Variants in DPYD observed in about 807,000 individuals in gnomAD.
The protein encoded by DPYD is dihydropyrimidine dehydrogenase, also known as dihydropyrimidine dehydrogenase [NADP(+)].
A neutral mutation model predicts 116.2 loss-of-function variants in DPYD; 109 were observed. The observed-to-expected ratio is 0.94, with a 90% CI of 0.80 to 1.10. The LOEUF (loss-of-function observed/expected upper bound fraction) is 1.10, where lower values mean the gene tolerates loss of function less well. Among genes scored for constraint, DPYD ranks in the 50% least tolerant of loss-of-function variants. The pLI is 0.00. For synonymous variants in DPYD, 440 were observed against 432.0 expected, an observed-to-expected ratio of 1.02 and a Z score of -0.23; for missense variants, 1,302 against 1,254.5, an observed-to-expected ratio of 1.04 and a Z score of -0.57.
At chr1:97,419,746 G>A (rs1370651736) in intron 14 of DPYD, among the ~76,000 whole-genome samples, 1 of 152,054 alleles carries the variant, frequency 6.6e-6, no homozygotes, top group Non-Finnish European at 1.5e-5. Flanking sequence ...GTAAACATGG[G>A]TTTATACCTA....
At chr1:97,172,556 A>G (rs988454665) in intron 20 of DPYD, among the ~76,000 whole-genome samples, 3 of 152,192 alleles carry the variant, frequency 2.0e-5, no homozygotes, top group Admixed American at 6.6e-5. Context: ...AATTAAATTT[A>G]TCACTTCATT....
intron 2 of DPYD, among the ~76,000 whole-genome samples, chr1:97,870,262 C>T (rs1162743140): frequency 1.3e-5 from 2 of 151,744 alleles, no homozygotes; most frequent in Non-Finnish European, 2.9e-5. Flanking sequence ...TGAATCAAAG[C>T]ATGACCATGC....
In DPYD at chr1:97,453,079, T is replaced by C. The variant is rs1676505373; in HGVS notation, c.1741-2856A>G. On this transcript the variant is annotated intron_variant, in intron 13 of 22. Transcript: ENST00000370192. Reference sequence around the variant, plus strand: ...CAGTACACCCCCTCCCTTGGATAGATCCCTGAACCAAATGCTGTGATACAA... The same window carrying C: ...CAGTACACCCCCTCCCTTGGATAGACCCCTGAACCAAATGCTGTGATACAA... Among the ~76,000 whole-genome samples the C allele has an allele frequency of 4.6e-5, 7 of 152,146 alleles. No individual in the cohort carries two copies. In the South Asian group the frequency reaches 1.2e-3, roughly 27 times the overall value.
At chr1:97,177,627 A>T (rs1657382004) in intron 20 of DPYD, among the ~76,000 whole-genome samples, 1 of 151,548 alleles carries the variant, frequency 6.6e-6, no homozygotes, top group African/African-American at 2.4e-5. Flanking sequence ...GGATCAGGAA[A>T]TAGGGGCTAA....
intron 10 of DPYD, among the ~76,000 whole-genome samples, chr1:97,578,036 G>C (rs1012250389): frequency 6.6e-6 from 1 of 151,922 alleles, no homozygotes; most frequent in Non-Finnish European, 1.5e-5. Flanking sequence ...AGTAGAGACG[G>C]GGTTTCACTC....
chr1:97,494,501 C>G (rs1679150150), intron 13 of DPYD, among the ~76,000 whole-genome samples: 1 of 152,134 alleles, frequency 6.6e-6, no homozygotes, highest in African/African-American at 2.4e-5. Flanking sequence ...TTCCTCTTAA[C>G]ACAGGCGGTT....
intron 4 of DPYD, among the ~76,000 whole-genome samples, chr1:97,735,998 T>C (rs539866685): frequency 6.6e-6 from 1 of 152,058 alleles, no homozygotes; most frequent in Non-Finnish European, 1.5e-5. Flanking sequence ...TTAACATGTA[T>C]CTAATAAGAG....
At chr1:97,874,703 A>C (rs924012439) in intron 2 of DPYD, among the ~76,000 whole-genome samples, 1 of 151,908 alleles carries the variant, frequency 6.6e-6, no homozygotes, top group Non-Finnish European at 1.5e-5. Context: ...ATTTTCAAAG[A>C]GTTTCCTTTT....
intron 14 of DPYD, among the ~76,000 whole-genome samples, chr1:97,430,956 C>T (rs1379689665): frequency 1.3e-5 from 2 of 151,828 alleles, no homozygotes; most frequent in African/African-American, 4.8e-5. Context: ...TAACAGATAG[C>T]AGAACAGGCT....
At chr1:97,374,716 C>A (rs1476101831) in intron 15 of DPYD, among the ~76,000 whole-genome samples, 2 of 44,702 alleles carry the variant, frequency 4.5e-5, no homozygotes, top group African/African-American at 2.2e-4. Flanking sequence ...GACTCCGTCT[C>A]AGAAAAAAAA....
intron 18 of DPYD, among the ~76,000 whole-genome samples, chr1:97,272,931 C>A (rs890081279): frequency 1.3e-5 from 2 of 151,950 alleles, no homozygotes; most frequent in East Asian, 3.9e-4. Flanking sequence ...TGTTTTCTCC[C>A]GTCAGTTTCA....
intron 20 of DPYD, among the ~76,000 whole-genome samples, chr1:97,154,099 G>T (rs1472666343): frequency 3.3e-5 from 5 of 150,920 alleles, no homozygotes; most frequent in Admixed American, 2.0e-4. Context: ...ATTCCTTAAA[G>T]AACTAAAAGT....
At chr1:97,214,736 C>G (rs1217477715) in intron 19 of DPYD, among the ~76,000 whole-genome samples, 2 of 152,196 alleles carry the variant, frequency 1.3e-5, no homozygotes, top group Non-Finnish European at 2.9e-5. Context: ...TGCTTTCTAG[C>G]TAGTCTATCT....
At chr1:97,788,466 G>A (rs944620109) in intron 3 of DPYD, among the ~76,000 whole-genome samples, 2 of 152,196 alleles carry the variant, frequency 1.3e-5, no homozygotes, top group African/African-American at 4.8e-5. Flanking sequence ...TCTTGGTCCT[G>A]CCAGCATCAG....
At position 97,687,308 on chromosome 1, in the gene DPYD, C is replaced by T. The variant is rs192980338; in HGVS notation, c.762+4409G>A. On this transcript the variant is annotated intron_variant, in intron 7 of 22. Coordinates refer to ENST00000370192, the MANE Select transcript of DPYD (RefSeq NM_000110.4). ...AACAAACAAACAAACAAAAAACTTA[C>T]GTAAAGGACATGAACAGACATTTCT... Among the ~76,000 whole-genome samples, 22 of 151,756 alleles carry T rather than the reference C, an allele frequency of 1.4e-4. 1 individual carries two copies. In the South Asian group the frequency reaches 2.5e-3, roughly 17 times the overall value.
chr1:97,477,281 T>C (rs534071491), intron 13 of DPYD, among the ~76,000 whole-genome samples: 2 of 152,348 alleles, frequency 1.3e-5, no homozygotes, highest in Non-Finnish European at 2.9e-5. Context: ...AACTACTTTC[T>C]TTGCTCATCC....
At chr1:97,300,764 A>G (rs1666813489) in intron 18 of DPYD, among the ~76,000 whole-genome samples, 1 of 152,068 alleles carries the variant, frequency 6.6e-6, no homozygotes. Flanking sequence ...CTGCCAAGTT[A>G]TTATTGCATT....
chr1:97,194,337 C>A (rs1205222716), intron 19 of DPYD, among the ~76,000 whole-genome samples: 1 of 152,028 alleles, frequency 6.6e-6, no homozygotes, highest in African/African-American at 2.4e-5. Context: ...GGCTTTTCCC[C>A]TTTTCCTTTG....
intron 13 of DPYD, among the ~76,000 whole-genome samples, chr1:97,492,259 C>G (rs1679015474): frequency 6.6e-6 from 1 of 152,066 alleles, no homozygotes; most frequent in African/African-American, 2.4e-5. Context: ...TTTTAAGTAG[C>G]TTTTTTTCCA....
Sources: allele counts gnomAD v4.1 joint callset (sites outside exome capture counted in the v4.1 genomes callset), GRCh38; gene constraint gnomAD v4.1.1; transcripts MANE v1.5; gene names NCBI Gene and HGNC (gene_info 2026-07-23, HGNC 2026-07-21).